The following COL6A6 variants were observed in gnomAD, a reference collection of about 807,000 sequenced individuals.
The protein encoded by COL6A6 is collagen type VI alpha 6 chain, also known as collagen alpha-6(VI) chain.
In COL6A6, 183 loss-of-function variants were observed where a neutral mutation model predicts 208.6. The observed-to-expected ratio is 0.88, with a 90% confidence interval of 0.78 to 0.99. The LOEUF (loss-of-function observed/expected upper bound fraction) is 0.99. Among genes scored for constraint, COL6A6 ranks in the 50% least tolerant of loss-of-function variants. The pLI, the probability that COL6A6 is intolerant of heterozygous loss-of-function variation, is 0.00. For missense variants in COL6A6, 2,816 were observed against 2,815.2 expected (o/e 1.00, Z -0.01); for synonymous variants, 973 against 1,011.8 (o/e 0.96, Z 0.73).
chr3:130,571,505 T>G, intron 7 of COL6A6, 112 bp downstream of exon 7: 1 of 718,750 alleles, frequency 1.4e-6, no homozygotes, highest in Non-Finnish European at 2.2e-6. Context: ...GAAGGAGCTC[T>G]AATTGTTTCA....
intron 2 of COL6A6, among the ~76,000 whole-genome samples, chr3:130,561,566 A>C (rs1200906894): frequency 6.6e-6 from 1 of 151,240 alleles, no homozygotes; most frequent in East Asian, 1.9e-4. Flanking sequence ...GAACTTACCT[A>C]GTAACCATTT....
In COL6A6 at chr3:130,567,971, T is replaced by C; in HGVS notation, c.1844-76T>C. On this transcript the variant is annotated intron_variant, in intron 5 of 36. Transcript: ENST00000358511. Reference sequence around the variant, plus strand: ...ACATGTCAATATAAAATTATTTGTGTTTTGGATTTTCCTGTTTACTCTGAA... The same window carrying C: ...ACATGTCAATATAAAATTATTTGTGCTTTGGATTTTCCTGTTTACTCTGAA... The C allele has an allele frequency of 3.7e-6, 4 of 1,079,634 alleles. No individual in the cohort carries two copies. The South Asian group carries it at 6.3e-5, about 17-fold the overall frequency. 66.9% of individuals were successfully genotyped at this position (1,079,634 alleles called of 1,614,324 possible).
intron 8 of COL6A6, among the ~76,000 whole-genome samples, 187 bp from the exon 9 acceptor site, chr3:130,581,373 AC>A (rs2063416340): frequency 6.6e-6 from 1 of 152,140 alleles, no homozygotes; most frequent in Admixed American, 6.5e-5. Context: ...ATAATAATGA[AC>A]CCTTACACTT....
chr3:130,599,833 A>C (rs1191246050), intron 20 of COL6A6, 23 bp downstream of exon 20: 1 of 1,612,388 alleles, frequency 6.2e-7, no homozygotes, highest in Non-Finnish European at 8.5e-7. Flanking sequence ...CTAGACAAGG[A>C]GACCCACTGT....
At chr3:130,590,393 T>A (rs1189805066) in intron 12 of COL6A6, among the ~76,000 whole-genome samples, 3 of 139,092 alleles carry the variant, frequency 2.2e-5, no homozygotes, top group Non-Finnish European at 1.5e-5. Context: ...ACATGTGCCA[T>A]GTTGGTGTGC....
intron 33 of COL6A6, among the ~76,000 whole-genome samples, chr3:130,653,531 T>G (rs1437826800): frequency 1.3e-5 from 2 of 152,192 alleles, no homozygotes; most frequent in African/African-American, 4.8e-5. Flanking sequence ...AAGAGTAAGG[T>G]ATCATTCAGA....
At chr3:130,531,132 C>T (rs75153121) in intron 1 of COL6A6, among the ~76,000 whole-genome samples, 334 of 151,434 alleles carry the variant, frequency 2.2e-3, no homozygotes, top group South Asian at 0.013. Context: ...GATTTTGTTT[C>T]GCTGGAGAAC....
intron 1 of COL6A6, among the ~76,000 whole-genome samples, chr3:130,530,183 T>C (rs1282502560): frequency 6.6e-6 from 1 of 152,180 alleles, no homozygotes; most frequent in Non-Finnish European, 1.5e-5. Flanking sequence ...GCTCTGTTGC[T>C]TAAAAACCGT....
chr3:130,591,209 A>G (rs757435004), intron 13 of COL6A6, 115 bp downstream of exon 13: 1 of 792,376 alleles, frequency 1.3e-6, no homozygotes, highest in Non-Finnish European at 2.1e-6. Context: ...ATTCGTGTAC[A>G]GAATCTCAGA....
intron 20 of COL6A6, among the ~76,000 whole-genome samples, chr3:130,604,539 C>CT (rs1307218627): frequency 5.3e-5 from 8 of 151,470 alleles, no homozygotes; most frequent in Non-Finnish European, 1.0e-4. Context: ...AACAAAGGTG[C>CT]TATGCGATCG....
At chr3:130,626,077 T>C (rs771590137) in intron 24 of COL6A6, among the ~76,000 whole-genome samples, 1 of 152,230 alleles carries the variant, frequency 6.6e-6, no homozygotes, top group Non-Finnish European at 1.5e-5. Flanking sequence ...AGTTAGAAAC[T>C]ATTGCCAGGA....
intron 23 of COL6A6, among the ~76,000 whole-genome samples, chr3:130,616,003 C>T (rs939289011): frequency 6.6e-6 from 1 of 152,130 alleles, no homozygotes; most frequent in African/African-American, 2.4e-5. Context: ...GACTGGAAAA[C>T]ATGGTTTTTC....
chr3:130,599,239 C>T (rs1470359954), intron 19 of COL6A6, among the ~76,000 whole-genome samples: 1 of 152,074 alleles, frequency 6.6e-6, no homozygotes, highest in Non-Finnish European at 1.5e-5. Flanking sequence ...AAATGTAAGT[C>T]CCATAGAAGA....
intron 33 of COL6A6, 96 bp downstream of exon 33, chr3:130,649,658 G>A: frequency 7.5e-7 from 1 of 1,324,840 alleles, no homozygotes; most frequent in South Asian, 1.5e-5. Flanking sequence ...AGGGCCATTT[G>A]TTAGGAAGTT....
intron 18 of COL6A6, among the ~76,000 whole-genome samples, chr3:130,597,952 G>T (rs967213837): frequency 2.0e-5 from 3 of 152,134 alleles, no homozygotes; most frequent in African/African-American, 7.2e-5. Flanking sequence ...TTTCCCAAGG[G>T]TATGGTAGAA....
chr3:130,598,180 G>C (rs113665309), intron 18 of COL6A6, among the ~76,000 whole-genome samples, 185 bp from the exon 19 acceptor site: 1 of 152,100 alleles, frequency 6.6e-6, no homozygotes, highest in Non-Finnish European at 1.5e-5. Context: ...TTCTCTCTCT[G>C]ATAATGTCAA....
In COL6A6 at chr3:130,644,998, G is replaced by T; in HGVS notation, c.5235G>T (p.Arg1745Ser). 6.2e-7 allele frequency: 1 copy of T among 1,612,080 alleles called. No homozygotes were observed. Among genetic ancestry groups the T allele is most frequent in the South Asian group, 1.1e-5 (1 of 91,046 alleles). Reference sequence around the variant, plus strand: ...TTTGTTCTTCTTCCCCAGCTGGCAGGCATGGTGAGTAATCTTTATTTACAG... The same window carrying T: ...TTTGTTCTTCTTCCCCAGCTGGCAGTCATGGTGAGTAATCTTTATTTACAG... The part of the protein sequence containing the change: ...IQYVRDRSPG[R>S]HGKPECPVHP... The change falls in exon 32 of 37, where the codon AGG becomes AGT. Residue 1745 changes from arginine to serine, a missense_variant. Arg to Ser is a moderately radical substitution (Grantham distance 110, BLOSUM62 -1). Coordinates refer to ENST00000358511, the MANE Select transcript of COL6A6 (RefSeq NM_001102608.3).
rs1405593056 is a variant in COL6A6, at chr3:130,560,334, A to G, written c.-31A>G. On this transcript the variant is annotated splice_region_variant and 5_prime_UTR_variant, in exon 2 of 37. Coordinates refer to ENST00000358511, the MANE Select transcript of COL6A6 (RefSeq NM_001102608.3). ...TTTGTTTATATTTTTGCCTTTTCAG[A>G]TTTGAAGTTGAAGATTTTTCAGGTC... is the stretch of plus-strand genomic sequence containing the variant. The G allele has an allele frequency of 6.3e-7, 1 of 1,582,192 alleles. No homozygotes were observed. Among genetic ancestry groups the G allele is most frequent in the East Asian group, 2.3e-5 (1 of 44,372 alleles).
At position 130,522,586 on chromosome 3, in the gene COL6A6, A is replaced by C. The variant is rs547101103; in HGVS notation, c.-32+5189A>C. The stretch of plus-strand genomic sequence containing the variant: ...AGGCCAGACCTCTCCTGAGAACTCC[A>C]GTCCCAGATATCTAACTGCCCACAA... On this transcript the variant is annotated intron_variant, in intron 1 of 36. Transcript: ENST00000358511. Among the ~76,000 whole-genome samples, 257 of 152,280 alleles carry C rather than the reference A, an allele frequency of 1.7e-3. 1 individual carries two copies. The highest frequency in any genetic ancestry group is 5.7e-3 in the African/African-American group (238 of 41,562).
Sources: allele counts gnomAD v4.1 joint callset (sites outside exome capture counted in the v4.1 genomes callset), GRCh38; gene constraint gnomAD v4.1.1; transcripts MANE v1.5; gene names NCBI Gene and HGNC (gene_info 2026-07-23, HGNC 2026-07-21).